The following RAB3C variants were observed in gnomAD, a reference collection of about 807,000 sequenced individuals.
RAB3C encodes ras-related protein Rab-3C.
RAB3C carries 17 observed loss-of-function variants against 26.4 expected under a neutral mutation model. The observed-to-expected ratio is 0.64, with a 90% confidence interval of 0.44 to 0.97. RAB3C has a LOEUF of 0.97. RAB3C is among the 50% of genes least tolerant of loss of function. The pLI, the probability that RAB3C is intolerant of heterozygous loss-of-function variation, is 0.00. For missense variants in RAB3C, 242 were observed against 281.9 expected, an observed-to-expected ratio of 0.86 and a Z score of 1.01; for synonymous variants, 91 against 95.9, an observed-to-expected ratio of 0.95 and a Z score of 0.30.
intron 4 of RAB3C, among the ~76,000 whole-genome samples, chr5:58,837,526 G>A (rs1046714108): frequency 6.9e-6 from 1 of 145,000 alleles, no homozygotes; most frequent in African/African-American, 2.5e-5. Flanking sequence ...TGGTCTGATC[G>A]AGTTTTCTAT....
chr5:58,787,073 G>A (rs1403858305), intron 3 of RAB3C, among the ~76,000 whole-genome samples: 1 of 152,118 alleles, frequency 6.6e-6, no homozygotes, highest in Non-Finnish European at 1.5e-5. Flanking sequence ...GAAATGAGTG[G>A]CCACTACTGG....
At chr5:58,734,619 C>T (rs1161732888) in intron 3 of RAB3C, among the ~76,000 whole-genome samples, 3 of 152,184 alleles carry the variant, frequency 2.0e-5, no homozygotes, top group Non-Finnish European at 4.4e-5. Context: ...TCCTCAGCCC[C>T]TTCAAAAACA....
chr5:58,851,440 C>G lies in RAB3C; in HGVS notation c.*89C>G. 9.6e-7 allele frequency: 1 copy of G among 1,044,420 alleles called. No individual in the cohort carries two copies. Among genetic ancestry groups the G allele is most frequent in the Non-Finnish European group, 1.4e-6 (1 of 731,166 alleles). The allele number at this position is 1,044,420 out of a possible 1,614,324, so 64.7% of individuals were successfully genotyped here. On this transcript the variant is annotated 3_prime_UTR_variant, in exon 5 of 5. Coordinates refer to ENST00000282878, the MANE Select transcript of RAB3C (RefSeq NM_138453.4). ...GTCTATTAGCCTTCATTTATACTGC[C>G]TAACAATTATTTGAAGGAATAAATT...
At chr5:58,608,075 C>T (rs1193186986) in intron 1 of RAB3C, among the ~76,000 whole-genome samples, 2 of 152,182 alleles carry the variant, frequency 1.3e-5, no homozygotes, top group South Asian at 2.1e-4. Context: ...CAAATTCACA[C>T]ATAACAATAT....
chr5:58,804,835 A>C (rs1742898158), intron 3 of RAB3C, among the ~76,000 whole-genome samples: 1 of 152,074 alleles, frequency 6.6e-6, no homozygotes, highest in Non-Finnish European at 1.5e-5. Flanking sequence ...AATAAAAATA[A>C]ATTTAATCAA....
At chr5:58,600,955 CA>C (rs199721369) in intron 1 of RAB3C, among the ~76,000 whole-genome samples, 1,901 of 152,242 alleles carry the variant, frequency 0.012, 32 homozygotes, top group African/African-American at 0.043. Flanking sequence ...AACTTTTCCC[CA>C]TTCAGTGTTA....
At chr5:58,719,079 A>AGTTGTGTC (rs1213086775) in intron 2 of RAB3C, among the ~76,000 whole-genome samples, 1 of 151,848 alleles carries the variant, frequency 6.6e-6, no homozygotes, top group Non-Finnish European at 1.5e-5. Context: ...TGTTTGGGGG[A>AGTTGTGTC]GTTGTGTCTC....
At chr5:58,764,568 T>C (rs1741859591) in intron 3 of RAB3C, among the ~76,000 whole-genome samples, 1 of 152,198 alleles carries the variant, frequency 6.6e-6, no homozygotes, top group Non-Finnish European at 1.5e-5. Context: ...CTCTCTAACA[T>C]TTAATGTTGA....
At chr5:58,617,484 C>T (rs369045158) in intron 1 of RAB3C, 159 bp from the exon 2 acceptor site, 432 of 776,334 alleles carry the variant, frequency 5.6e-4, no homozygotes, top group Non-Finnish European at 1.4e-4. Flanking sequence ...CCATGGATAC[C>T]AATATCAGAG....
At chr5:58,749,145 AG>A (rs11353104) in intron 3 of RAB3C, among the ~76,000 whole-genome samples, 27,392 of 152,212 alleles carry the variant, frequency 0.18, 2,591 homozygotes, top group East Asian at 0.3. Flanking sequence ...ATATTTTATG[AG>A]TAGAATTGTA....
At chr5:58,597,090 C>T (rs924638699) in intron 1 of RAB3C, among the ~76,000 whole-genome samples, 1,612 of 62,498 alleles carry the variant, frequency 0.026, no homozygotes, top group South Asian at 0.062. Context: ...ATATATAATA[C>T]ATAATATATA....
intron 2 of RAB3C, among the ~76,000 whole-genome samples, chr5:58,622,629 A>G (rs1468799766): frequency 6.6e-6 from 1 of 151,046 alleles, no homozygotes; most frequent in Non-Finnish European, 1.5e-5. Context: ...TTCTGGCTCA[A>G]CCTCCTCATT....
chr5:58,821,780 G>A (rs1041922703), intron 3 of RAB3C, among the ~76,000 whole-genome samples: 1 of 152,114 alleles, frequency 6.6e-6, no homozygotes, highest in East Asian at 1.9e-4. Context: ...AACCCTATCT[G>A]CCTCTTCACT....
In RAB3C at chr5:58,655,474, G is replaced by T. The variant is rs1049925931; in HGVS notation, c.252+37604G>T. Among the ~76,000 whole-genome samples, 3 of 152,192 alleles carry T rather than the reference G, an allele frequency of 2.0e-5. No individual in the cohort carries two copies. In the East Asian group the frequency reaches 5.8e-4, roughly 29 times the overall value. ...TTGATTGTCGTGTAATTGTTGGGAGGCAAAGGCTCTAGTTTAAGGCTGACA... is the reference window on the plus strand; with the variant it reads ...TTGATTGTCGTGTAATTGTTGGGAGTCAAAGGCTCTAGTTTAAGGCTGACA... On this transcript the variant is annotated intron_variant, in intron 2 of 4. Transcript: ENST00000282878.
intron 2 of RAB3C, among the ~76,000 whole-genome samples, chr5:58,688,859 T>C (rs970596306): frequency 1.1e-4 from 17 of 152,276 alleles, no homozygotes; most frequent in African/African-American, 4.1e-4. Context: ...TTCTGTGAAG[T>C]CAAACATGTA....
intron 3 of RAB3C, among the ~76,000 whole-genome samples, chr5:58,782,940 T>A (rs80319415): frequency 0.012 from 1,868 of 151,296 alleles, 46 homozygotes; most frequent in African/African-American, 0.043. Flanking sequence ...ATAATGTTAT[T>A]TTTTTTTTAA....
chr5:58,725,941 C>T, intron 2 of RAB3C, 61 bp from the exon 3 acceptor site: 1 of 948,532 alleles, frequency 1.1e-6, no homozygotes, highest in Non-Finnish European at 1.6e-6. Context: ...AATTATTAAT[C>T]ACTTCCCAAA....
In RAB3C at chr5:58,851,497, G is replaced by A; in HGVS notation, c.*146G>A. 5.2e-6 allele frequency: 3 copies of A among 572,330 alleles called. No individual in the cohort carries two copies. Among genetic ancestry groups the A allele is most frequent in the Non-Finnish European group, 8.4e-6 (3 of 357,934 alleles). The allele number at this position is 572,330 out of a possible 1,614,324, so 35.5% of individuals were successfully genotyped here. ...AATGGCTCGTACGCATTCAATTCTT[G>A]GGAGCTTTCCTGTTTAATATGTGGC... On this transcript the variant is annotated 3_prime_UTR_variant, in exon 5 of 5. Transcript: ENST00000282878.
chr5:58,646,229 C>T (rs908347263), intron 2 of RAB3C, among the ~76,000 whole-genome samples: 1 of 152,134 alleles, frequency 6.6e-6, no homozygotes, highest in African/African-American at 2.4e-5. Context: ...TCTCTCACTG[C>T]ACCTAGCATA....
Sources: allele counts gnomAD v4.1 joint callset (sites outside exome capture counted in the v4.1 genomes callset), GRCh38; gene constraint gnomAD v4.1.1; transcripts MANE v1.5; gene names NCBI Gene and HGNC (gene_info 2026-07-23, HGNC 2026-07-21).